The following IGF2BP3 variants were observed in gnomAD, a reference collection of about 807,000 sequenced individuals.
IGF2BP3 encodes the protein insulin-like growth factor 2 mRNA-binding protein 3.
Under a neutral mutation model 73.8 loss-of-function variants are expected in IGF2BP3, and 9 were observed. The ratio of observed to expected loss-of-function variants is 0.12; its 90% CI spans 0.07 to 0.21. The LOEUF is 0.21. IGF2BP3 is among the 10% of genes least tolerant of loss of function. The pLI is 1.00. For synonymous variants in IGF2BP3, 258 were observed against 256.7 expected (o/e 1.01, Z -0.05); for missense variants, 542 against 714.0 (o/e 0.76, Z 2.75).
chr7:23,333,622 A>AG (rs1295508685), intron 10 of IGF2BP3, among the ~76,000 whole-genome samples: 6 of 152,256 alleles, frequency 3.9e-5, no homozygotes, highest in African/African-American at 1.4e-4. Context: ...AAAATGTAAC[A>AG]GAAAAAAAGG....
chr7:23,414,677 G>C (rs1353455898), intron 3 of IGF2BP3: 2 of 155,346 alleles, frequency 1.3e-5, no homozygotes, highest in Non-Finnish European at 2.9e-5. Context: ...GCCAGGTCTA[G>C]GACTATGGAC....
At chr7:23,388,033 C>T (rs1307723982) in intron 3 of IGF2BP3, among the ~76,000 whole-genome samples, 5 of 152,174 alleles carry the variant, frequency 3.3e-5, no homozygotes, top group Middle Eastern at 3.4e-3. Flanking sequence ...CTCCGCCTCC[C>T]GGGTTCACGC....
chr7:23,397,574 T>C (rs1786517326), intron 3 of IGF2BP3, among the ~76,000 whole-genome samples: 1 of 152,224 alleles, frequency 6.6e-6, no homozygotes, highest in Non-Finnish European at 1.5e-5. Context: ...CACCAACACA[T>C]GCCTCCTTCT....
chr7:23,461,407 C>T (rs1788448432), intron 2 of IGF2BP3, among the ~76,000 whole-genome samples: 1 of 152,190 alleles, frequency 6.6e-6, no homozygotes. Flanking sequence ...TGCCTACTAA[C>T]CTTCTTCACT....
At chr7:23,451,291 G>T (rs541164365) in intron 2 of IGF2BP3, among the ~76,000 whole-genome samples, 43 of 152,118 alleles carry the variant, frequency 2.8e-4, no homozygotes, top group African/African-American at 1.0e-3. Context: ...GGTGGTGCAT[G>T]CCTGTAGTCC....
At chr7:23,411,488 G>A (rs537099602) in intron 3 of IGF2BP3, among the ~76,000 whole-genome samples, 21 of 152,182 alleles carry the variant, frequency 1.4e-4, no homozygotes, top group African/African-American at 4.6e-4. Context: ...AGGCTGAGGC[G>A]GAGAATGGCT....
intron 3 of IGF2BP3, among the ~76,000 whole-genome samples, chr7:23,378,775 TG>T (rs1667056396): frequency 6.6e-6 from 1 of 151,946 alleles, no homozygotes; most frequent in African/African-American, 2.4e-5. Flanking sequence ...GGTTTCACCA[TG>T]TTGGCCAGGA....
intron 2 of IGF2BP3, among the ~76,000 whole-genome samples, chr7:23,436,248 GTTT>G (rs1787806410): frequency 6.6e-6 from 1 of 152,178 alleles, no homozygotes; most frequent in South Asian, 2.1e-4. Context: ...TTAGTGTCAT[GTTT>G]TTTAATATGT....
chr7:23,443,935 G>A (rs1471294499), intron 2 of IGF2BP3, among the ~76,000 whole-genome samples: 2 of 152,164 alleles, frequency 1.3e-5, no homozygotes, highest in Non-Finnish European at 2.9e-5. Context: ...CTTGAACCCA[G>A]GAGGCGGAGG....
intron 2 of IGF2BP3, among the ~76,000 whole-genome samples, chr7:23,423,871 G>A: frequency 6.6e-6 from 1 of 152,166 alleles, no homozygotes; most frequent in East Asian, 1.9e-4. Flanking sequence ...TGTAATCCCA[G>A]CACTTTGGGA....
At chr7:23,329,593 A>C (rs1784392658) in intron 10 of IGF2BP3, among the ~76,000 whole-genome samples, 1 of 152,236 alleles carries the variant, frequency 6.6e-6, no homozygotes, top group South Asian at 2.1e-4. Context: ...GTAGGACTCC[A>C]GTTAATACAT....
At chr7:23,389,538 G>A (rs993707263) in intron 3 of IGF2BP3, among the ~76,000 whole-genome samples, 1 of 148,314 alleles carries the variant, frequency 6.7e-6, no homozygotes, top group Non-Finnish European at 1.5e-5. Context: ...AATATATTCA[G>A]TACTGTTTTT....
intron 3 of IGF2BP3, among the ~76,000 whole-genome samples, chr7:23,378,756 T>C (rs1785811851): frequency 6.6e-6 from 1 of 151,904 alleles, no homozygotes; most frequent in Non-Finnish European, 1.5e-5. Flanking sequence ...GTATTTTTAG[T>C]AGAGACGGGG....
chr7:23,420,786 C>T (rs1787322655), intron 2 of IGF2BP3, among the ~76,000 whole-genome samples: 1 of 152,144 alleles, frequency 6.6e-6, no homozygotes, highest in African/African-American at 2.4e-5. Flanking sequence ...AGCACTTTTA[C>T]ATTATTTTCA....
intron 2 of IGF2BP3, among the ~76,000 whole-genome samples, chr7:23,457,499 A>G (rs938512706): frequency 2.0e-5 from 3 of 152,160 alleles, no homozygotes; most frequent in Admixed American, 2.0e-4. Flanking sequence ...TCTCAACAAG[A>G]AGTCTGATGG....
intron 2 of IGF2BP3, among the ~76,000 whole-genome samples, chr7:23,453,835 G>GT (rs1391426445): frequency 2.6e-5 from 4 of 151,988 alleles, no homozygotes; most frequent in Non-Finnish European, 5.9e-5. Context: ...AGACAAGGGT[G>GT]TTTTTTTTGT....
intron 2 of IGF2BP3, among the ~76,000 whole-genome samples, chr7:23,445,936 G>A (rs1241433582): frequency 1.3e-5 from 2 of 152,150 alleles, no homozygotes; most frequent in African/African-American, 4.8e-5. Context: ...AGATAAGTCT[G>A]TAGTAAGTAT....
rs1345621146 is a variant in IGF2BP3 at position 23,311,547 on chromosome 7, C to G, written c.*815G>C. 6.6e-6 allele frequency: 1 copy of G among 152,266 alleles called. No homozygotes were observed. Among genetic ancestry groups the G allele is most frequent in the African/African-American group, 2.4e-5 (1 of 41,434 alleles). 9.4% of individuals were successfully genotyped at this position (152,266 alleles called of 1,614,324 possible). A position where few individuals can be genotyped will look rare whatever the true frequency, so the allele number is the denominator to read the frequency against. On this transcript the variant is annotated 3_prime_UTR_variant, in exon 15 of 15. Coordinates refer to ENST00000258729, the MANE Select transcript of IGF2BP3 (RefSeq NM_006547.3). ...GTAGTGCTGCTCTCCAGATACTAGG[C>G]ACTGCTCCGTATTTTTGAACATTTG... is the stretch of plus-strand genomic sequence containing the variant.
chr7:23,378,848 A>T (rs1160567195), intron 3 of IGF2BP3, among the ~76,000 whole-genome samples: 3 of 152,132 alleles, frequency 2.0e-5, no homozygotes, highest in African/African-American at 7.2e-5. Context: ...CTGGGATTAC[A>T]GGTGTGAGCC....
Sources: allele counts gnomAD v4.1 joint callset (sites outside exome capture counted in the v4.1 genomes callset), GRCh38; gene constraint gnomAD v4.1.1; transcripts MANE v1.5; gene names NCBI Gene and HGNC (gene_info 2026-07-23, HGNC 2026-07-21).